Variants in EFR3A observed in about 807,000 individuals in gnomAD.
The protein encoded by EFR3A is EFR3 homolog A.
A neutral mutation model predicts 104.4 loss-of-function variants in EFR3A; 76 were observed. That is an observed-to-expected ratio of 0.73 (90% CI 0.60 to 0.88). The LOEUF is 0.88. Among genes scored for constraint, EFR3A ranks in the 40% least tolerant of loss-of-function variants. The pLI, the probability that EFR3A is intolerant of heterozygous loss-of-function variation, is 0.00. For synonymous variants in EFR3A, 330 were observed against 330.0 expected (o/e 1.00, Z 0.00); for missense variants, 985 against 1,012.5 (o/e 0.97, Z 0.37).
At chr8:131,961,046 C>T (rs956126066) in intron 8 of EFR3A, among the ~76,000 whole-genome samples, 1 of 152,134 alleles carries the variant, frequency 6.6e-6, no homozygotes, top group African/African-American at 2.4e-5. Flanking sequence ...GACATCCACA[C>T]CAAAACCCCA....
intron 10 of EFR3A, among the ~76,000 whole-genome samples, chr8:131,972,223 G>A (rs1342101961): frequency 6.7e-6 from 1 of 149,844 alleles, no homozygotes; most frequent in African/African-American, 2.5e-5. Context: ...GCTCATGGGA[G>A]CTCCTTCAAG....
In EFR3A at chr8:132,002,620, G is replaced by A; in HGVS notation, c.2224G>A (p.Glu742Lys). 1 of 1,613,422 alleles carries A rather than the reference G, an allele frequency of 6.2e-7. No homozygotes were observed. The highest frequency in any genetic ancestry group is 8.5e-7 in the Non-Finnish European group (1 of 1,179,474). ...TTGTATAGATACCAGTGGAATGGAA[G>A]AACAGGAAAAGGAAAAGAGGCGTCT... is the stretch of plus-strand genomic sequence containing the variant. ...KKAIDTSGME[E>K]QEKEKRRLVI... Residue 742 changes from glutamate (E) to lysine (K), a missense_variant, in exon 21 of 23, where the codon GAA becomes AAA. Coordinates refer to ENST00000254624, the MANE Select transcript of EFR3A (RefSeq NM_015137.6).
chr8:131,998,379 A>C (rs893789850), intron 19 of EFR3A, among the ~76,000 whole-genome samples: 6 of 152,016 alleles, frequency 3.9e-5, no homozygotes, highest in African/African-American at 1.4e-4. Context: ...TTATATGTAT[A>C]ATCCTAGTTT....
At chr8:132,003,366 TA>T in intron 22 of EFR3A, 81 bp downstream of exon 22, 1 of 1,243,286 alleles carries the variant, frequency 8.0e-7, no homozygotes, top group African/African-American at 1.5e-5. Flanking sequence ...TGTGGTTCAT[TA>T]TGTTTAAGTT....
chr8:131,984,388 A>G, intron 15 of EFR3A, 88 bp downstream of exon 15: 1 of 1,264,660 alleles, frequency 7.9e-7, no homozygotes, highest in Non-Finnish European at 1.1e-6. Context: ...AAGGACATGA[A>G]TTTTAAAAGG....
rs1253246743 is a variant in EFR3A at position 132,011,111 on chromosome 8, T to C, written c.*216T>C. ...TAGATTTATGCCATGTTAATTTGCTTTGAGGTTCCTGTTGCCTTTTTAAGT... is the reference window on the plus strand; with the variant it reads ...TAGATTTATGCCATGTTAATTTGCTCTGAGGTTCCTGTTGCCTTTTTAAGT... On this transcript the variant is annotated 3_prime_UTR_variant, in exon 23 of 23. Transcript: ENST00000254624. The C allele has an allele frequency of 8.2e-7, 1 of 1,213,460 alleles. No homozygotes were observed. The highest frequency in any genetic ancestry group is 3.7e-5 in the Admixed American group (1 of 26,798). 75.2% of individuals were successfully genotyped at this position (1,213,460 alleles called of 1,614,324 possible). A position where few individuals can be genotyped will look rare whatever the true frequency, so the allele number is the denominator to read the frequency against.
intron 9 of EFR3A, 73 bp from the exon 10 acceptor site, chr8:131,970,403 A>C (rs1819982400): frequency 7.4e-7 from 1 of 1,350,214 alleles, no homozygotes; most frequent in South Asian, 1.4e-5. Context: ...CAATCTGTGG[A>C]GAAATAAGGT....
intron 19 of EFR3A, 56 bp from the exon 20 acceptor site, chr8:132,001,703 G>T (rs944600759): frequency 2.8e-6 from 4 of 1,440,884 alleles, no homozygotes; most frequent in Non-Finnish European, 3.9e-6. Flanking sequence ...CTAGGTAAAG[G>T]TGTTATTTAT....
Position 131,934,515 on chromosome 8 carries a change from A to G in EFR3A, c.11-5984A>G, listed in dbSNP as rs562341091. ...TGTCCAAGGTTTGTTTTAAAACTTA[A>G]TTTTTAAACTTTGTCTTTTAAAGTA... On this transcript the variant is annotated intron_variant, in intron 1 of 22. Transcript: ENST00000254624. 1.8e-3 allele frequency among the ~76,000 whole-genome samples: 280 copies of G among 152,234 alleles called. 2 individuals carry two copies. The highest frequency in any genetic ancestry group is 6.5e-3 in the African/African-American group (272 of 41,532).
In EFR3A at chr8:131,914,798, C is replaced by G. The variant is rs532518034; in HGVS notation, c.10+10476C>G. 3.3e-5 allele frequency among the ~76,000 whole-genome samples: 5 copies of G among 152,226 alleles called. No homozygotes were observed. The South Asian group carries it at 1.0e-3, about 32-fold the overall frequency. ...CCCAGTAGTTATTTTTTCTGCTCCT[C>G]TCTCTTTTCCCACCCTCCACCCTCA... On this transcript the variant is annotated intron_variant, in intron 1 of 22. Coordinates refer to ENST00000254624, the MANE Select transcript of EFR3A (RefSeq NM_015137.6).
chr8:131,928,850 G>T (rs1817440464), intron 1 of EFR3A, among the ~76,000 whole-genome samples: 1 of 151,804 alleles, frequency 6.6e-6, no homozygotes, highest in South Asian at 2.1e-4. Context: ...TGGTACCTTT[G>T]TAAAAAGTAC....
chr8:131,949,989 TGAA>T lies in EFR3A; in HGVS notation c.393_395del (p.Glu131del), dbSNP rs1295664545. The T allele has an allele frequency of 6.3e-7, 1 of 1,594,984 alleles. No homozygotes were observed. Among genetic ancestry groups the T allele is most frequent in the Non-Finnish European group, 8.5e-7 (1 of 1,173,712 alleles). ...TTTAGTTTGTCAAATTTGCAAATATTGAAGAAGACACACCATCCTATCACAGAC... is the reference window on the plus strand; with the variant it reads ...TTTAGTTTGTCAAATTTGCAAATATTGAAGACACACCATCCTATCACAGAC... On this transcript the variant is annotated inframe_deletion, in exon 5 of 23. Transcript: ENST00000254624.
chr8:131,925,398 G>A (rs1023124305), intron 1 of EFR3A, among the ~76,000 whole-genome samples: 2 of 152,062 alleles, frequency 1.3e-5, no homozygotes, highest in Admixed American at 6.6e-5. Context: ...GGGGCAAAAC[G>A]TCCTTCAATT....
intron 22 of EFR3A, among the ~76,000 whole-genome samples, chr8:132,004,150 T>A (rs1229169595): frequency 6.6e-6 from 1 of 152,176 alleles, no homozygotes; most frequent in African/African-American, 2.4e-5. Flanking sequence ...GACATTTCCC[T>A]CCCATTCCTG....
intron 1 of EFR3A, among the ~76,000 whole-genome samples, chr8:131,932,221 C>T (rs1232405354): frequency 6.6e-6 from 1 of 151,846 alleles, no homozygotes; most frequent in African/African-American, 2.4e-5. Flanking sequence ...GAGAATTTTT[C>T]TGTTTTGTAT....
intron 1 of EFR3A, among the ~76,000 whole-genome samples, chr8:131,906,387 T>C (rs1264932072): frequency 1.3e-5 from 2 of 152,206 alleles, no homozygotes; most frequent in Admixed American, 1.3e-4. Flanking sequence ...GTTGAGAGGC[T>C]TAGTGATAAG....
At chr8:131,987,497 C>T (rs1586656462) in intron 17 of EFR3A, 78 bp from the exon 18 acceptor site, 1 of 1,425,732 alleles carries the variant, frequency 7.0e-7, no homozygotes, top group Non-Finnish European at 9.3e-7. Flanking sequence ...GGCTTTTGCT[C>T]TGGAATGTTT....
intron 4 of EFR3A, among the ~76,000 whole-genome samples, chr8:131,949,146 T>C (rs907941700): frequency 2.0e-5 from 3 of 152,112 alleles, no homozygotes; most frequent in African/African-American, 7.2e-5. Context: ...ATTTTTGTTA[T>C]AAATAATACA....
chr8:131,917,879 T>A (rs544724944), intron 1 of EFR3A, among the ~76,000 whole-genome samples: 1 of 152,186 alleles, frequency 6.6e-6, no homozygotes, highest in African/African-American at 2.4e-5. Flanking sequence ...AGATTTTGGT[T>A]TATGAGCCAT....
Sources: allele counts gnomAD v4.1 joint callset (sites outside exome capture counted in the v4.1 genomes callset), GRCh38; gene constraint gnomAD v4.1.1; transcripts MANE v1.5; gene names NCBI Gene and HGNC (gene_info 2026-07-23, HGNC 2026-07-21).